ZNF331: variants seen among roughly 807,000 people sequenced by gnomAD.
The protein encoded by ZNF331 is C2H2-like zinc finger protein rearranged in thyroid adenomas.
In ZNF331, 2 loss-of-function variants were observed where a neutral mutation model predicts 7.0. The ratio of observed to expected loss-of-function variants is 0.29; its 90% confidence interval spans 0.12 to 0.90. ZNF331 has a LOEUF of 0.90. Among genes scored for constraint, ZNF331 ranks in the 40% least tolerant of loss-of-function variants. ZNF331 has a pLI of 0.58. For missense variants in ZNF331, 432 were observed against 587.7 expected, an observed-to-expected ratio of 0.74 and a Z score of 2.74; for synonymous variants, 196 against 205.4, an observed-to-expected ratio of 0.95 and a Z score of 0.39.
intron 2 of ZNF331, among the ~76,000 whole-genome samples, chr19:53,546,342 A>C (rs964559880): frequency 1.3e-5 from 2 of 151,968 alleles, no homozygotes; most frequent in African/African-American, 4.8e-5. Flanking sequence ...TATGGCCCCA[A>C]ATATCCTCCC....
At chr19:53,544,035 T>C (rs942800887) in intron 2 of ZNF331, among the ~76,000 whole-genome samples, 4 of 151,916 alleles carry the variant, frequency 2.6e-5, no homozygotes, top group Non-Finnish European at 4.4e-5. Context: ...GAGACCGTCC[T>C]GGCCACCATG....
chr19:53,519,554 G>A (rs1028534578), upstream of ZNF331, among the ~76,000 whole-genome samples: 2 of 152,114 alleles, frequency 1.3e-5, no homozygotes, highest in African/African-American at 4.8e-5. Context: ...AGATCCCACC[G>A]GAAAAAGGGC....
At chr19:53,567,539 C>T (rs143063891) in intron 3 of ZNF331, among the ~76,000 whole-genome samples, 58 of 152,202 alleles carry the variant, frequency 3.8e-4, no homozygotes, top group African/African-American at 1.1e-3. Context: ...TTCCTCAAAC[C>T]GCCCTCAGGT....
intron 2 of ZNF331, among the ~76,000 whole-genome samples, chr19:53,543,351 C>T (rs1428121601): frequency 2.0e-5 from 3 of 152,166 alleles, no homozygotes; most frequent in East Asian, 1.9e-4. Context: ...TGAACCTCCA[C>T]CTTCCAGTTC....
At chr19:53,520,410 A>G (rs539657091), upstream of ZNF331, among the ~76,000 whole-genome samples, 320 of 152,260 alleles carry the variant, frequency 2.1e-3, 1 homozygote, top group African/African-American at 7.3e-3. Flanking sequence ...CCCAAATGCA[A>G]GTTGTAAGCA....
At chr19:53,514,964 C>T (rs1276420109), upstream of ZNF331, among the ~76,000 whole-genome samples, 1 of 152,070 alleles carries the variant, frequency 6.6e-6, no homozygotes, top group Non-Finnish European at 1.5e-5. Context: ...CTTCTCCTTG[C>T]CAAGTTAATT....
chr19:53,577,881 T>G lies in ZNF331; in HGVS notation c.1321T>G (p.Cys441Gly). 6.2e-7 allele frequency: 1 copy of G among 1,613,810 alleles called. No individual in the cohort carries two copies. Among genetic ancestry groups the G allele is most frequent in the Non-Finnish European group, 8.5e-7 (1 of 1,180,016 alleles). Residue 441 changes from cysteine (C) to glycine (G), a missense_variant, in exon 6 of 6, where the codon TGT becomes GGT. Cys to Gly is a radical substitution (Grantham distance 159). Around this residue, in one of 3 missense-constraint regions of ZNF331, gnomAD observed 312 missense variants for 448.6 expected, o/e 0.70. Transcript: ENST00000449416. ...GCACAGTGGGGCGAAATCCTACGAA[T>G]GTAAGGAGTGCGGGAAGGCATGTAA... Reference protein sequence around the residue: ...KTHSGAKSYECKECGKACNHL... With the variant: ...KTHSGAKSYEGKECGKACNHL...
chr19:53,517,410 A>G (rs888953299), upstream of ZNF331, among the ~76,000 whole-genome samples: 4 of 152,172 alleles, frequency 2.6e-5, no homozygotes, highest in African/African-American at 9.7e-5. Context: ...TCCTCCCCAC[A>G]GGACTCTGGC....
chr19:53,518,789 A>G (rs59108483), upstream of ZNF331, among the ~76,000 whole-genome samples: 13,507 of 152,298 alleles, frequency 0.089, 788 homozygotes, highest in African/African-American at 0.15. Flanking sequence ...GGGCAGGCCC[A>G]TTGGTCTTGC....
chr19:53,506,411 CCTCTCTCTCTCTCTCTCTCTCTCT>C, the ZNF331 span, among the ~76,000 whole-genome samples: 1 of 74,414 alleles, frequency 1.3e-5, no homozygotes, highest in African/African-American at 6.4e-5. Context: ...CTCTCTCTCT[CCTCTCTCTCTCTCTCTCTCTCTCT>C]CTCTCTCTGT....
chr19:53,576,892 C>G lies in ZNF331; in HGVS notation c.332C>G (p.Pro111Arg). The G allele has an allele frequency of 2.5e-6, 4 of 1,614,102 alleles. No homozygotes were observed. The highest frequency in any genetic ancestry group is 1.6e-4 in the Middle Eastern group (1 of 6,062). The stretch of plus-strand genomic sequence containing the variant: ...ATGATCATCAATTATGTCAAAAGAC[C>G]TGCTACTAGAGAAGGCACCCCTCCT... Reference protein sequence around the residue: ...NQMIINYVKRPATREGTPPRT... With the variant: ...NQMIINYVKRRATREGTPPRT... Residue 111 changes from proline to arginine, a missense_variant, in exon 6 of 6, where the codon CCT becomes CGT. By Grantham distance (103) the Pro-to-Arg change is moderately radical. Coordinates refer to ENST00000449416, the MANE Select transcript of ZNF331 (RefSeq NM_001079906.2).
At chr19:53,574,122 T>TA (rs1356512679) in intron 5 of ZNF331, among the ~76,000 whole-genome samples, 1 of 152,052 alleles carries the variant, frequency 6.6e-6, no homozygotes, top group East Asian at 1.9e-4. Flanking sequence ...TCTCAAAAAA[T>TA]AAAAATAATT....
intron 2 of ZNF331, among the ~76,000 whole-genome samples, chr19:53,549,537 C>T (rs1257596937): frequency 6.6e-6 from 1 of 152,042 alleles, no homozygotes; most frequent in Non-Finnish European, 1.5e-5. Context: ...AAACTATTCT[C>T]ATGCTGATTC....
rs1319393243 is a variant in ZNF331, at chr19:53,573,054, A to G, written c.136+1324A>G. Among the ~76,000 whole-genome samples, 1 of 151,996 alleles carries G rather than the reference A, an allele frequency of 6.6e-6. No homozygotes were observed. Among genetic ancestry groups the G allele is most frequent in the Non-Finnish European group, 1.5e-5 (1 of 67,990 alleles). ...GCCAACATGGTGAAACCCTGTCTCTACTAAAAATATAAAAATTAGCCGGGC... is the reference window on the plus strand; with the variant it reads ...GCCAACATGGTGAAACCCTGTCTCTGCTAAAAATATAAAAATTAGCCGGGC... On this transcript the variant is annotated intron_variant, in intron 5 of 5. Coordinates refer to ENST00000449416, the MANE Select transcript of ZNF331 (RefSeq NM_001079906.2). The surrounding 1 kb of genome is among the most constrained non-coding windows in gnomAD (Gnocchi z 4.2).
At chr19:53,546,614 G>A (rs539767452) in intron 2 of ZNF331, among the ~76,000 whole-genome samples, 2 of 152,090 alleles carry the variant, frequency 1.3e-5, no homozygotes, top group Middle Eastern at 3.4e-3. Context: ...CTTGGGTAAG[G>A]AGGGGATTCG....
At chr19:53,538,068 G>GC (rs2087852812), upstream of ZNF331, 2 of 152,396 alleles carry the variant, frequency 1.3e-5, no homozygotes, top group Non-Finnish European at 2.9e-5. Flanking sequence ...CTCTGCTGCT[G>GC]TCTGCGCGCT....
At chr19:53,535,007 A>G (rs534409147), upstream of ZNF331, among the ~76,000 whole-genome samples, 3 of 128,668 alleles carry the variant, frequency 2.3e-5, no homozygotes, top group South Asian at 8.6e-4. Flanking sequence ...GGATTAATGA[A>G]AGCCTGTAAC....
At chr19:53,559,961 T>C (rs917234985) in intron 3 of ZNF331, among the ~76,000 whole-genome samples, 1 of 145,090 alleles carries the variant, frequency 6.9e-6, no homozygotes, top group Non-Finnish European at 1.5e-5. Flanking sequence ...CACACACATA[T>C]ACACCCCGTA....
chr19:53,541,416 C>T (rs11665893), intron 2 of ZNF331, among the ~76,000 whole-genome samples: 115,803 of 152,028 alleles, frequency 0.76, 44,510 homozygotes, highest in Middle Eastern at 0.82. Flanking sequence ...TATATTTCTT[C>T]TTTTATGTGT....
Sources: gnomAD v4.1 joint callset for allele counts (sites outside exome capture counted in the v4.1 genomes callset) on GRCh38, gnomAD v4.1.1 for gene constraint, gnomAD v4.1.1 regional missense constraint, Gnocchi (gnomAD v3.1) non-coding constraint, MANE v1.5 for transcripts, NCBI Gene and HGNC (gene_info 2026-07-23, HGNC 2026-07-21) for gene names.